The following PCDHA10 variants were observed in gnomAD, a reference collection of about 807,000 sequenced individuals.
PCDHA10 encodes the protein protocadherin alpha 10, also known as protocadherin alpha-10.
Under a neutral mutation model 61.2 loss-of-function variants are expected in PCDHA10, and 45 were observed. The ratio of observed to expected loss-of-function variants is 0.74; its 90% CI spans 0.58 to 0.94. The LOEUF (loss-of-function observed/expected upper bound fraction) is 0.94. PCDHA10 is among the 40% of genes least tolerant of loss of function. The pLI is 0.00. For missense variants in PCDHA10, 1,278 were observed against 1,236.2 expected (o/e 1.03, Z -0.51); for synonymous variants, 602 against 548.8 (o/e 1.10, Z -1.35).
intron 1 of PCDHA10, among the ~76,000 whole-genome samples, chr5:140,909,495 G>A (rs532080413): frequency 7.2e-5 from 11 of 152,278 alleles, no homozygotes; most frequent in African/African-American, 2.6e-4. Context: ...AGCTGAACGG[G>A]GATGTGGTGG....
In PCDHA10 at chr5:140,924,786, T is replaced by G. The variant is rs2082007959; in HGVS notation, c.2389-54163T>G. Reference sequence around the variant, plus strand: ...GGTGCGCGCTTGTAGTCCTAGCTACTTAGGAGGCTGAGGCAAGAGAATCGC... The same window carrying G: ...GGTGCGCGCTTGTAGTCCTAGCTACGTAGGAGGCTGAGGCAAGAGAATCGC... On this transcript the variant is annotated intron_variant, in intron 1 of 3. Coordinates refer to ENST00000307360, the MANE Select transcript of PCDHA10 (RefSeq NM_018901.4). Among the ~76,000 whole-genome samples the G allele has an allele frequency of 4.6e-5, 7 of 151,720 alleles. No homozygotes were observed. In the South Asian group the frequency reaches 1.2e-3, roughly 27 times the overall value.
At chr5:140,883,825 G>T in intron 1 of PCDHA10, 1 of 1,612,576 alleles carries the variant, frequency 6.2e-7, no homozygotes, top group South Asian at 1.1e-5. Context: ...AGGTGTACGC[G>T]CTGCAGCCGT....
At chr5:140,944,839 G>C (rs1449491788) in intron 1 of PCDHA10, among the ~76,000 whole-genome samples, 3 of 152,130 alleles carry the variant, frequency 2.0e-5, no homozygotes, top group African/African-American at 7.2e-5. Flanking sequence ...TGTAAAATGA[G>C]ATATTAGAAT....
chr5:140,956,953 C>G (rs1347983778), intron 1 of PCDHA10, among the ~76,000 whole-genome samples: 1 of 135,202 alleles, frequency 7.4e-6, no homozygotes, highest in Non-Finnish European at 1.7e-5. Flanking sequence ...CATTAAAACA[C>G]TGTAATTAAT....
intron 1 of PCDHA10, among the ~76,000 whole-genome samples, chr5:140,917,241 C>G (rs1383271236): frequency 6.7e-6 from 1 of 150,002 alleles, no homozygotes; most frequent in Non-Finnish European, 1.5e-5. Context: ...AATCTAGGTA[C>G]TACGATTGCT....
At position 140,978,992 on chromosome 5, in the gene PCDHA10, G is replaced by T. The variant is rs1363421000; in HGVS notation, c.2432G>T (p.Arg811Ile). The change falls in exon 2 of 4, where the codon AGA (arginine) becomes ATA (isoleucine). Residue 811 changes from arginine to isoleucine, a missense_variant. Arg to Ile is a moderately conservative substitution (Grantham distance 97). Transcript: ENST00000307360. ...NPDWRYSASL[R>I]AGMHSSVHLE... Reference sequence around the variant, plus strand: ...GACTGGCGTTACTCTGCCTCCCTGAGAGCAGGCATGCACAGGTATGTATTT... The same window carrying T: ...GACTGGCGTTACTCTGCCTCCCTGATAGCAGGCATGCACAGGTATGTATTT... The T allele has an allele frequency of 8.1e-6, 13 of 1,614,060 alleles. No homozygotes were observed. Among genetic ancestry groups the T allele is most frequent in the Non-Finnish European group, 1.1e-5 (13 of 1,180,034 alleles).
chr5:140,965,260 G>A (rs1188138728), intron 1 of PCDHA10, among the ~76,000 whole-genome samples: 1 of 152,202 alleles, frequency 6.6e-6, no homozygotes, highest in Non-Finnish European at 1.5e-5. Context: ...GAACTGAGCA[G>A]CAGAGGCAAT....
At chr5:140,991,167 G>T (rs186627829) in intron 3 of PCDHA10, among the ~76,000 whole-genome samples, 2 of 152,270 alleles carry the variant, frequency 1.3e-5, no homozygotes, top group Non-Finnish European at 2.9e-5. Flanking sequence ...TATTCCCATT[G>T]TCAAGCAGGA....
chr5:140,898,018 C>G (rs1189161004), intron 1 of PCDHA10, among the ~76,000 whole-genome samples: 1 of 152,062 alleles, frequency 6.6e-6, no homozygotes, highest in African/African-American at 2.4e-5. Flanking sequence ...TATCCTTTGC[C>G]CACTTTTTGA....
chr5:140,876,644 C>T, intron 1 of PCDHA10: 2 of 1,614,200 alleles, frequency 1.2e-6, no homozygotes, highest in South Asian at 1.1e-5. Context: ...TCACTGACAC[C>T]TCATGTTCCC....
intron 1 of PCDHA10, chr5:140,876,227 C>T (rs782218758): frequency 2.5e-6 from 4 of 1,613,794 alleles, no homozygotes; most frequent in South Asian, 2.2e-5. Flanking sequence ...GTAGTGTTGT[C>T]TGAAAATGTC....
intron 1 of PCDHA10, among the ~76,000 whole-genome samples, chr5:140,954,268 A>C (rs1381458746): frequency 2.0e-5 from 3 of 152,224 alleles, no homozygotes; most frequent in African/African-American, 7.2e-5. Flanking sequence ...TCTTTATAAT[A>C]GGATGATTTA....
At chr5:140,933,184 G>T (rs1459868769) in intron 1 of PCDHA10, among the ~76,000 whole-genome samples, 4 of 149,618 alleles carry the variant, frequency 2.7e-5, no homozygotes, top group African/African-American at 4.9e-5. Flanking sequence ...ATAAGATAAT[G>T]GTTCAGGATA....
chr5:140,875,449 A>T, intron 1 of PCDHA10: 2 of 1,590,426 alleles, frequency 1.3e-6, no homozygotes, highest in Non-Finnish European at 8.6e-7. Flanking sequence ...GATTGTCCCA[A>T]CTCAGAGGCC....
intron 3 of PCDHA10, among the ~76,000 whole-genome samples, chr5:141,000,391 CTCTCTATATA>C (rs1171335262): frequency 2.9e-3 from 162 of 56,578 alleles, no homozygotes; most frequent in African/African-American, 4.6e-3. Flanking sequence ...CTCTCTCTCT[CTCTCTATATA>C]TATATATATA....
intron 1 of PCDHA10, chr5:140,869,657 A>G (rs2051312714): frequency 6.2e-7 from 1 of 1,613,452 alleles, no homozygotes; most frequent in South Asian, 1.1e-5. Flanking sequence ...TCACCAACAA[A>G]TGGTAAGCAG....
chr5:140,862,647 C>T (rs2047469341), intron 1 of PCDHA10: 12 of 541,942 alleles, frequency 2.2e-5, no homozygotes, highest in South Asian at 1.7e-4. Context: ...TCACAGTGTC[C>T]GCGCGGGACC....
At chr5:140,927,956 C>G in intron 1 of PCDHA10, 1 of 1,614,224 alleles carries the variant, frequency 6.2e-7, no homozygotes. Flanking sequence ...GACGCTGCCC[C>G]TGGCACAGTG....
chr5:140,857,246 T>C lies in PCDHA10; in HGVS notation c.1198T>C (p.Tyr400His). Residue 400 changes from tyrosine (Y) to histidine (H), a missense_variant, in exon 1 of 4, where the codon TAC (tyrosine) becomes CAC (histidine). Physicochemically the swap from Tyr to His is moderately conservative, Grantham distance 83 (BLOSUM62 2). Coordinates refer to ENST00000307360, the MANE Select transcript of PCDHA10 (RefSeq NM_018901.4). ...PHVPFKLVST[Y>H]KNYYSLVLDS... is the part of the protein sequence containing the mutation. ...CGTTCCGTTCAAGCTGGTGTCCACC[T>C]ACAAGAATTACTACTCATTGGTGCT... 1 of 1,598,642 alleles carries C rather than the reference T, an allele frequency of 6.3e-7. No homozygotes were observed. Among genetic ancestry groups the C allele is most frequent in the Non-Finnish European group, 8.6e-7 (1 of 1,167,970 alleles).
Sources: allele counts gnomAD v4.1 joint callset (sites outside exome capture counted in the v4.1 genomes callset), GRCh38; gene constraint gnomAD v4.1.1; transcripts MANE v1.5; gene names NCBI Gene and HGNC (gene_info 2026-07-23, HGNC 2026-07-21).